PDE3A: variants seen among roughly 807,000 people sequenced by gnomAD.
The protein encoded by PDE3A is phosphodiesterase 3A.
In PDE3A, 43 loss-of-function variants were observed where a neutral mutation model predicts 98.3. That is an observed-to-expected ratio of 0.44 (90% CI 0.34 to 0.56). PDE3A has a LOEUF of 0.56. Ranked by LOEUF, PDE3A falls within the 20% of genes least tolerant of loss-of-function variation. PDE3A has a pLI of 0.01. For synonymous variants in PDE3A, 663 were observed against 567.9 expected (o/e 1.17, Z -2.38); for missense variants, 1,427 against 1,440.7 (o/e 0.99, Z 0.15).
chr12:20,376,709 G>T (rs1427478577), intron 1 of PDE3A, among the ~76,000 whole-genome samples: 1 of 151,718 alleles, frequency 6.6e-6, no homozygotes, highest in Admixed American at 6.6e-5. Flanking sequence ...GATTGTTAAG[G>T]CATTTCTTCA....
chr12:20,448,751 G>GTT (rs1265923346), intron 1 of PDE3A, among the ~76,000 whole-genome samples: 1 of 134,328 alleles, frequency 7.4e-6, no homozygotes, highest in Admixed American at 7.9e-5. Context: ...TTTATTTTAA[G>GTT]GTTTTTTTTT....
At chr12:20,585,134 C>T (rs1004059752) in intron 2 of PDE3A, among the ~76,000 whole-genome samples, 25 of 152,234 alleles carry the variant, frequency 1.6e-4, no homozygotes, top group African/African-American at 5.3e-4. Context: ...ATCCCTAAGC[C>T]GTGCACAGCT....
intron 1 of PDE3A, among the ~76,000 whole-genome samples, chr12:20,386,122 A>AATATATATAAAT (rs1565532569): frequency 1.0e-3 from 20 of 19,998 alleles, no homozygotes; most frequent in Non-Finnish European, 1.9e-3. Context: ...AATATATATA[A>AATATATATAAAT]ATATATATAA....
chr12:20,593,292 A>AGAGCAC (rs1943383562), intron 2 of PDE3A, among the ~76,000 whole-genome samples: 1 of 152,196 alleles, frequency 6.6e-6, no homozygotes, highest in South Asian at 2.1e-4. Flanking sequence ...AGGCATTAGT[A>AGAGCAC]GAGCACGTGG....
At chr12:20,637,265 T>A in intron 9 of PDE3A, 28 bp downstream of exon 9, 1 of 1,543,176 alleles carries the variant, frequency 6.5e-7, no homozygotes. Context: ...TCACACTAAT[T>A]TAAATATAGG....
chr12:20,631,763 A>G (rs1329514514), intron 6 of PDE3A, among the ~76,000 whole-genome samples: 1 of 145,172 alleles, frequency 6.9e-6, no homozygotes, highest in African/African-American at 2.6e-5. Context: ...AAAAGGTTTC[A>G]GAGAAAAACA....
intron 5 of PDE3A, among the ~76,000 whole-genome samples, chr12:20,628,156 C>A (rs1944309296): frequency 6.6e-6 from 1 of 152,106 alleles, no homozygotes; most frequent in Non-Finnish European, 1.5e-5. Context: ...TCTAGAGTTT[C>A]CAAATAAAAT....
Position 20,613,471 on chromosome 12 carries a change from T to G in PDE3A, c.1040T>G (p.Ile347Ser). The G allele has an allele frequency of 6.2e-7, 1 of 1,614,162 alleles. No homozygotes were observed. ...QSSGTSITVD[I>S]AVMGEAHGLI... is the part of the protein sequence containing the mutation. Reference sequence around the variant, plus strand: ...TCAGGAACCAGTATTACTGTGGACATCGCCGTCATGGGCGAGGCCCACGGC... The same window carrying G: ...TCAGGAACCAGTATTACTGTGGACAGCGCCGTCATGGGCGAGGCCCACGGC... Residue 347 changes from isoleucine (I) to serine (S), a missense_variant, in exon 3 of 16, where the codon ATC becomes AGC. By Grantham distance (142) the Ile-to-Ser change is moderately radical. Transcript: ENST00000359062.
intron 1 of PDE3A, among the ~76,000 whole-genome samples, chr12:20,516,137 G>A (rs1047994212): frequency 6.6e-6 from 1 of 152,062 alleles, no homozygotes; most frequent in African/African-American, 2.4e-5. Context: ...AATGGGAGAA[G>A]TGATAATTAT....
chr12:20,548,999 A>G (rs1001828584), intron 1 of PDE3A, among the ~76,000 whole-genome samples: 1 of 152,082 alleles, frequency 6.6e-6, no homozygotes, highest in Non-Finnish European at 1.5e-5. Flanking sequence ...CACATCAAGA[A>G]AGGGCTAGGG....
rs1946004492 is a variant in PDE3A at position 20,687,584 on chromosome 12, C to T, written c.*7313C>T. Among the ~76,000 whole-genome samples, 2 of 152,004 alleles carry T rather than the reference C, an allele frequency of 1.3e-5. No individual in the cohort carries two copies. Among genetic ancestry groups the T allele is most frequent in the Middle Eastern group, 3.4e-3 (1 of 294 alleles). Reference sequence around the variant, plus strand: ...CATACCATTTTTGTTCCAACAAGAACAATCTGTTAGTTGATAAGCACTGGT... The same window carrying T: ...CATACCATTTTTGTTCCAACAAGAATAATCTGTTAGTTGATAAGCACTGGT... On this transcript the variant is annotated 3_prime_UTR_variant, in exon 16 of 16. Coordinates refer to ENST00000359062, the MANE Select transcript of PDE3A (RefSeq NM_000921.5).
chr12:20,373,002 A>G lies in PDE3A; in HGVS notation c.960+2758A>G, dbSNP rs190703742. Among the ~76,000 whole-genome samples the G allele has an allele frequency of 4.6e-5, 7 of 152,242 alleles. No individual in the cohort carries two copies. In the East Asian group the frequency reaches 1.4e-3, roughly 29 times the overall value. Reference sequence around the variant, plus strand: ...GAGAATATATGATAAAAATTCTCATAAGAGAAACCAATTGACAGATACATT... The same window carrying G: ...GAGAATATATGATAAAAATTCTCATGAGAGAAACCAATTGACAGATACATT... On this transcript the variant is annotated intron_variant, in intron 1 of 15. Coordinates refer to ENST00000359062, the MANE Select transcript of PDE3A (RefSeq NM_000921.5).
chr12:20,573,018 T>C (rs1942838763), intron 2 of PDE3A, among the ~76,000 whole-genome samples: 1 of 152,072 alleles, frequency 6.6e-6, no homozygotes, highest in South Asian at 2.1e-4. Flanking sequence ...TGGGAGTTGG[T>C]TCATTTGAGA....
intron 1 of PDE3A, among the ~76,000 whole-genome samples, chr12:20,437,633 A>G (rs1393883400): frequency 6.6e-6 from 1 of 152,118 alleles, no homozygotes; most frequent in Non-Finnish European, 1.5e-5. Flanking sequence ...ACTCGTAAAC[A>G]ACCAGATTTG....
At chr12:20,657,621 G>A (rs1386436040) in intron 15 of PDE3A, among the ~76,000 whole-genome samples, 2 of 152,096 alleles carry the variant, frequency 1.3e-5, no homozygotes, top group African/African-American at 4.8e-5. Flanking sequence ...GCAATGAAAG[G>A]CTCTTTGTTC....
chr12:20,528,948 C>CT (rs1287320440), intron 1 of PDE3A, among the ~76,000 whole-genome samples: 2 of 151,994 alleles, frequency 1.3e-5, no homozygotes, highest in Admixed American at 6.6e-5. Flanking sequence ...CTATGAGGGA[C>CT]TTTTTTCCTG....
intron 1 of PDE3A, among the ~76,000 whole-genome samples, chr12:20,512,602 T>G (rs1946247992): frequency 6.6e-6 from 1 of 152,130 alleles, no homozygotes; most frequent in South Asian, 2.1e-4. Flanking sequence ...TCTATGTGCT[T>G]ATTTTTAATT....
chr12:20,552,739 C>G lies in PDE3A; in HGVS notation c.961-3921C>G. The G allele has an allele frequency of 1.2e-6, 2 of 1,614,036 alleles. No individual in the cohort carries two copies. The highest frequency in any genetic ancestry group is 1.7e-6 in the Non-Finnish European group (2 of 1,179,900). ...TGAGGTCCTGGCGTCACTCAAGGACCGGCCGGCGAGCGGCAGCCCGTTCCA... is the reference window on the plus strand; with the variant it reads ...TGAGGTCCTGGCGTCACTCAAGGACGGGCCGGCGAGCGGCAGCCCGTTCCA... On this transcript the variant is annotated intron_variant, in intron 1 of 15. Transcript: ENST00000359062. This position sits in a 1 kb window ranked among gnomAD's most constrained non-coding sequence, Gnocchi z 5.1.
intron 1 of PDE3A, among the ~76,000 whole-genome samples, chr12:20,433,675 A>C (rs1041467945): frequency 2.0e-5 from 3 of 152,198 alleles, no homozygotes; most frequent in African/African-American, 4.8e-5. Context: ...GTTTTTTAAA[A>C]AAATACACAA....
Sources: gnomAD v4.1 joint callset for allele counts (sites outside exome capture counted in the v4.1 genomes callset) on GRCh38, gnomAD v4.1.1 for gene constraint, Gnocchi (gnomAD v3.1) non-coding constraint, MANE v1.5 for transcripts, NCBI Gene and HGNC (gene_info 2026-07-23, HGNC 2026-07-21) for gene names.